TENM2: variants seen among roughly 807,000 people sequenced by gnomAD.
TENM2 encodes the protein teneurin-2.
Under a neutral mutation model 245.2 loss-of-function variants are expected in TENM2, and 52 were observed. That is an observed-to-expected ratio of 0.21 (90% CI 0.17 to 0.27). The LOEUF (loss-of-function observed/expected upper bound fraction) is 0.27. Among genes scored for constraint, TENM2 ranks in the 10% least tolerant of loss-of-function variants. TENM2 has a pLI of 1.00. For missense variants in TENM2, 3,046 were observed against 3,666.8 expected (o/e 0.83, Z 4.37); for synonymous variants, 1,363 against 1,438.9 (o/e 0.95, Z 1.19).
chr5:167,931,549 TGGAAAAAAA>T (rs1420556020), intron 3 of TENM2, among the ~76,000 whole-genome samples: 3 of 90,890 alleles, frequency 3.3e-5, no homozygotes, highest in African/African-American at 7.5e-5. Context: ...ATAAACCCAT[TGGAAAAAAA>T]AAAAAAAAAA....
chr5:167,927,961 A>G (rs1227357251), intron 3 of TENM2, among the ~76,000 whole-genome samples: 1 of 152,190 alleles, frequency 6.6e-6, no homozygotes, highest in Non-Finnish European at 1.5e-5. Context: ...GGAAGACTAA[A>G]TGCTTTTTTG....
chr5:167,955,751 C>T (rs542872397), intron 4 of TENM2, among the ~76,000 whole-genome samples: 2 of 152,266 alleles, frequency 1.3e-5, no homozygotes, highest in Admixed American at 6.5e-5. Context: ...TTGTTTCCAT[C>T]GGGTTTGTCA....
At chr5:167,276,306 A>G in the TENM2 span, among the ~76,000 whole-genome samples, 4 of 150,180 alleles carry the variant, frequency 2.7e-5, no homozygotes, top group Admixed American at 6.7e-5. Context: ...TTCCTTTTTA[A>G]ACATTTGGTA....
chr5:167,846,905 G>A (rs931477685), intron 2 of TENM2, among the ~76,000 whole-genome samples: 2 of 152,220 alleles, frequency 1.3e-5, no homozygotes, highest in African/African-American at 4.8e-5. Context: ...GAAGGGCACA[G>A]CATCAGAGAA....
At chr5:168,134,085 G>A (rs948040904) in intron 12 of TENM2, among the ~76,000 whole-genome samples, 2 of 152,072 alleles carry the variant, frequency 1.3e-5, no homozygotes, top group African/African-American at 4.8e-5. Context: ...AACCCAGGAG[G>A]TGGAGGTTGC....
intron 13 of TENM2, among the ~76,000 whole-genome samples, chr5:168,168,297 A>G (rs901414819): frequency 6.6e-6 from 1 of 152,196 alleles, no homozygotes; most frequent in Non-Finnish European, 1.5e-5. Flanking sequence ...CATAGTGCTT[A>G]TACCCCAAAC....
the TENM2 span, among the ~76,000 whole-genome samples, chr5:167,269,818 T>C: frequency 6.6e-6 from 1 of 152,160 alleles, no homozygotes; most frequent in East Asian, 1.9e-4. Context: ...TTAAGACCCT[T>C]CTCTCTTTAT....
In TENM2 at chr5:168,169,601, C is replaced by T. The variant is rs181162561; in HGVS notation, c.2569+6844C>T. Reference sequence around the variant, plus strand: ...TTGACACGATTCAGGAATGCTCTTCCGGCATTTATCTCACTTGCTAATTAA... The same window carrying T: ...TTGACACGATTCAGGAATGCTCTTCTGGCATTTATCTCACTTGCTAATTAA... On this transcript the variant is annotated intron_variant, in intron 13 of 28. Transcript: ENST00000518659. Among the ~76,000 whole-genome samples, 997 of 152,324 alleles carry T rather than the reference C, an allele frequency of 6.5e-3. 6 individuals carry two copies. The highest frequency in any genetic ancestry group is 0.01 in the Non-Finnish European group (701 of 68,028).
intron 2 of TENM2, among the ~76,000 whole-genome samples, chr5:167,556,709 C>T (rs1773282982): frequency 6.6e-6 from 1 of 152,108 alleles, no homozygotes; most frequent in Non-Finnish European, 1.5e-5. Flanking sequence ...AAGTAGAATT[C>T]AGTCTGTGTC....
the TENM2 span, among the ~76,000 whole-genome samples, chr5:167,260,695 A>G: frequency 6.6e-6 from 1 of 152,318 alleles, no homozygotes; most frequent in East Asian, 1.9e-4. Flanking sequence ...ATGAACACAT[A>G]TTTTCTGCCT....
chr5:168,043,119 G>C (rs966096896), intron 5 of TENM2, among the ~76,000 whole-genome samples: 2 of 152,200 alleles, frequency 1.3e-5, no homozygotes, highest in Non-Finnish European at 2.9e-5. Flanking sequence ...GAGCATTCAA[G>C]GTGGGGCGGG....
At chr5:167,704,855 C>T (rs769544288) in intron 2 of TENM2, among the ~76,000 whole-genome samples, 1 of 152,098 alleles carries the variant, frequency 6.6e-6, no homozygotes, top group Non-Finnish European at 1.5e-5. Context: ...CTCTAGGATG[C>T]CAAAGAGTGG....
At chr5:168,235,662 C>T (rs1364155956) in intron 25 of TENM2, among the ~76,000 whole-genome samples, 1 of 152,130 alleles carries the variant, frequency 6.6e-6, no homozygotes, top group African/African-American at 2.4e-5. Flanking sequence ...CAAAAATTAG[C>T]CAGGTGTGGT....
intron 2 of TENM2, among the ~76,000 whole-genome samples, chr5:167,780,487 TG>T (rs1561773829): frequency 6.6e-6 from 1 of 152,212 alleles, no homozygotes; most frequent in Non-Finnish European, 1.5e-5. Flanking sequence ...GTGTACTTTT[TG>T]TTGGTGATTT....
chr5:168,165,763 T>TTCC (rs1758229846), intron 13 of TENM2: 1 of 53,660 alleles, frequency 1.9e-5, no homozygotes, highest in Non-Finnish European at 3.0e-5. Context: ...CGGGAACTGT[T>TTCC]AAAGCAAACC....
chr5:167,111,117 T>C, the TENM2 span, among the ~76,000 whole-genome samples: 1 of 152,218 alleles, frequency 6.6e-6, no homozygotes, highest in African/African-American at 2.4e-5. Flanking sequence ...AGATACATTA[T>C]ATTACTTTAA....
chr5:167,542,050 G>C (rs1345371705), intron 2 of TENM2, among the ~76,000 whole-genome samples: 2 of 152,012 alleles, frequency 1.3e-5, no homozygotes, highest in East Asian at 1.9e-4. Context: ...GAAGTATCCT[G>C]GGCAGTGGGC....
chr5:167,780,328 A>T (rs1407372218), intron 2 of TENM2, among the ~76,000 whole-genome samples: 3 of 152,338 alleles, frequency 2.0e-5, no homozygotes, highest in South Asian at 2.1e-4. Context: ...ATTTGCAGGC[A>T]TGCACAGAGC....
intron 1 of TENM2, among the ~76,000 whole-genome samples, chr5:167,312,521 C>T (rs368436765): frequency 3.9e-5 from 6 of 152,104 alleles, no homozygotes; most frequent in East Asian, 3.9e-4. Flanking sequence ...GTCTCATTTT[C>T]GATGTATCTG....
Sources: gnomAD v4.1 joint callset for allele counts (sites outside exome capture counted in the v4.1 genomes callset) on GRCh38, gnomAD v4.1.1 for gene constraint, MANE v1.5 for transcripts, NCBI Gene and HGNC (gene_info 2026-07-23, HGNC 2026-07-21) for gene names.